Variants in CPNE4 observed in about 807,000 individuals in gnomAD.
CPNE4 encodes the protein copine-4.
CPNE4 carries 25 observed loss-of-function variants against 67.9 expected under a neutral mutation model. The ratio of observed to expected loss-of-function variants is 0.37; its 90% CI spans 0.27 to 0.51. CPNE4 has a LOEUF of 0.51. Ranked by LOEUF, CPNE4 falls within the 20% of genes least tolerant of loss-of-function variation. The probability of loss-of-function intolerance (pLI) is 0.93; values close to 1 mark genes in which losing one functional copy is unlikely to be tolerated. For synonymous variants in CPNE4, 242 were observed against 244.9 expected, an observed-to-expected ratio of 0.99 and a Z score of 0.11; for missense variants, 464 against 690.8, an observed-to-expected ratio of 0.67 and a Z score of 3.68.
intron 3 of CPNE4, among the ~76,000 whole-genome samples, chr3:131,716,677 C>T (rs780788903): frequency 1.3e-5 from 2 of 152,202 alleles, no homozygotes; most frequent in East Asian, 1.9e-4. Context: ...TTCCCCATCC[C>T]GAGTGCTCCC....
At chr3:131,702,264 GTTA>G (rs1464394970) in intron 3 of CPNE4, among the ~76,000 whole-genome samples, 1 of 152,172 alleles carries the variant, frequency 6.6e-6, no homozygotes, top group Non-Finnish European at 1.5e-5. Context: ...TACATATTAT[GTTA>G]CAGATGCTTT....
intron 2 of CPNE4, among the ~76,000 whole-genome samples, chr3:131,785,551 T>G (rs773055456): frequency 3.9e-5 from 6 of 152,116 alleles, no homozygotes; most frequent in Non-Finnish European, 7.4e-5. Context: ...TCCTCTTGAC[T>G]TAGTGTATGT....
chr3:131,863,638 TCTC>T (rs2086794696), intron 2 of CPNE4, among the ~76,000 whole-genome samples: 1 of 152,220 alleles, frequency 6.6e-6, no homozygotes, highest in Admixed American at 6.5e-5. Flanking sequence ...GTGAAAATTT[TCTC>T]CTATTTTGTA....
At chr3:131,572,153 G>A (rs1342189336) in intron 10 of CPNE4, among the ~76,000 whole-genome samples, 1 of 152,028 alleles carries the variant, frequency 6.6e-6, no homozygotes, top group African/African-American at 2.4e-5. Flanking sequence ...AGAAGCACCA[G>A]CATCTATGGA....
At chr3:131,576,635 C>T (rs754136194) in intron 9 of CPNE4, among the ~76,000 whole-genome samples, 4 of 151,934 alleles carry the variant, frequency 2.6e-5, no homozygotes, top group Non-Finnish European at 4.4e-5. Context: ...GCATGTTATG[C>T]CACAAAGGAA....
chr3:131,805,488 T>C (rs973959298), intron 2 of CPNE4, among the ~76,000 whole-genome samples: 2 of 152,174 alleles, frequency 1.3e-5, no homozygotes, highest in South Asian at 4.1e-4. Flanking sequence ...CGATCCTCAT[T>C]TATTATTATC....
chr3:132,016,936 A>G (rs1560791377), intron 1 of CPNE4, among the ~76,000 whole-genome samples: 1 of 152,194 alleles, frequency 6.6e-6, no homozygotes, highest in Non-Finnish European at 1.5e-5. Flanking sequence ...CTCAGAGTGA[A>G]GTCCATCACT....
intron 1 of CPNE4, among the ~76,000 whole-genome samples, chr3:131,976,179 A>G (rs1318668389): frequency 2.0e-5 from 3 of 151,380 alleles, no homozygotes; most frequent in Admixed American, 1.3e-4. Flanking sequence ...GAAGGGTCAC[A>G]GTGGTATTAA....
chr3:132,006,049 A>G (rs927342997), intron 1 of CPNE4, among the ~76,000 whole-genome samples: 45 of 152,118 alleles, frequency 3.0e-4, no homozygotes, highest in African/African-American at 9.9e-4. Flanking sequence ...AGAATATAAC[A>G]TCCAGTACAC....
chr3:131,771,107 G>C (rs1007179565), intron 2 of CPNE4, among the ~76,000 whole-genome samples: 1 of 152,132 alleles, frequency 6.6e-6, no homozygotes, highest in Non-Finnish European at 1.5e-5. Flanking sequence ...CTCCATGAAA[G>C]TAAGAAGCAC....
chr3:131,911,619 C>A (rs550245780), intron 1 of CPNE4, among the ~76,000 whole-genome samples: 1 of 148,674 alleles, frequency 6.7e-6, no homozygotes, highest in African/African-American at 2.5e-5. Context: ...ACTTCTTATA[C>A]TTTACTGGAT....
intron 1 of CPNE4, among the ~76,000 whole-genome samples, chr3:132,008,078 C>G (rs1024545109): frequency 3.3e-5 from 5 of 152,076 alleles, no homozygotes; most frequent in African/African-American, 9.7e-5. Context: ...ACAGTAGGTG[C>G]TAATAAATGT....
chr3:131,640,642 T>C (rs757174455), intron 7 of CPNE4, among the ~76,000 whole-genome samples: 17 of 151,936 alleles, frequency 1.1e-4, no homozygotes, highest in Non-Finnish European at 2.4e-4. Flanking sequence ...CAACCACCAT[T>C]CTTCATAGAA....
chr3:131,621,923 G>A (rs1239796406), intron 7 of CPNE4, among the ~76,000 whole-genome samples: 2 of 144,950 alleles, frequency 1.4e-5, no homozygotes, highest in African/African-American at 2.6e-5. Context: ...TGAGGTGAAA[G>A]AATGGCTTGA....
intron 2 of CPNE4, among the ~76,000 whole-genome samples, chr3:131,779,706 TG>T (rs1404748090): frequency 6.6e-6 from 1 of 152,006 alleles, no homozygotes; most frequent in Admixed American, 6.6e-5. Context: ...AAGACTTAAA[TG>T]TAAAAATCTA....
chr3:131,564,127 T>A, intron 11 of CPNE4, 89 bp downstream of exon 11: 1 of 1,519,166 alleles, frequency 6.6e-7, no homozygotes, highest in Non-Finnish European at 9.1e-7. Context: ...CTACTAGACT[T>A]AATTTCCACT....
At position 131,958,971 on chromosome 3, in the gene CPNE4, T is replaced by TAAGTTTCAATTATCCTATATA. The variant is rs1560682558; in HGVS notation, c.-1-53528_-1-53527insTATATAGGATAATTGAAACTT. 7.2e-3 allele frequency among the ~76,000 whole-genome samples: 149 copies of TAAGTTTCAATTATCCTATATA among 20,748 alleles called. 4 individuals are homozygous for TAAGTTTCAATTATCCTATATA. The highest frequency in any genetic ancestry group is 9.2e-3 in the Admixed American group (15 of 1,634). 13.6% of individuals were successfully genotyped at this position (20,748 alleles called of 152,430 possible). A position where few individuals can be genotyped will look rare whatever the true frequency, so the allele number is the denominator to read the frequency against. The stretch of plus-strand genomic sequence containing the variant: ...CGGCTCCCGGCCTGATACACCTTTC[T>TAAGTTTCAATTATCCTATATA]TTTTTTTTTTTTTTTTTTTTTTTTT... On this transcript the variant is annotated intron_variant, in intron 1 of 15. Coordinates refer to ENST00000429747, the MANE Select transcript of CPNE4 (RefSeq NM_130808.3).
intron 2 of CPNE4, among the ~76,000 whole-genome samples, chr3:131,840,938 T>C (rs1347965021): frequency 6.6e-6 from 1 of 152,162 alleles, no homozygotes; most frequent in Non-Finnish European, 1.5e-5. Context: ...CCCTCCTGCC[T>C]GCACCCACAC....
chr3:131,635,248 G>T (rs993711569), intron 7 of CPNE4, among the ~76,000 whole-genome samples: 1 of 152,064 alleles, frequency 6.6e-6, no homozygotes, highest in Non-Finnish European at 1.5e-5. Context: ...TAAACAGAAG[G>T]CTCCTAACTT....
Sources: gnomAD v4.1 joint callset for allele counts (sites outside exome capture counted in the v4.1 genomes callset) on GRCh38, gnomAD v4.1.1 for gene constraint, MANE v1.5 for transcripts, NCBI Gene and HGNC (gene_info 2026-07-23, HGNC 2026-07-21) for gene names.